PLCB3: variants seen among roughly 807,000 people sequenced by gnomAD.
PLCB3 encodes the protein phospholipase C beta 3, also known as 1-phosphatidylinositol 4,5-bisphosphate phosphodiesterase beta-3.
PLCB3 carries 54 observed loss-of-function variants against 152.1 expected under a neutral mutation model. The observed-to-expected ratio is 0.36, with a 90% CI of 0.29 to 0.45. The LOEUF is 0.45. PLCB3 is among the 20% of genes least tolerant of loss of function. The probability of loss-of-function intolerance (pLI) is 1.00; values close to 1 mark genes in which losing one functional copy is unlikely to be tolerated. For synonymous variants in PLCB3, 717 were observed against 698.7 expected, an observed-to-expected ratio of 1.03 and a Z score of -0.41; for missense variants, 1,248 against 1,687.5, an observed-to-expected ratio of 0.74 and a Z score of 4.56.
intron 1 of PLCB3, among the ~76,000 whole-genome samples, chr11:64,253,808 C>G (rs2031363461): frequency 6.6e-6 from 1 of 152,158 alleles, no homozygotes; most frequent in South Asian, 2.1e-4. Context: ...AAGTCCCCTT[C>G]TAGGGGGACT....
chr11:64,261,552 C>T (rs776292721), intron 15 of PLCB3, 29 bp from the exon 16 acceptor site: 1 of 1,613,076 alleles, frequency 6.2e-7, no homozygotes, highest in South Asian at 1.1e-5. Flanking sequence ...CCTGCCAGGT[C>T]TGACGCCCTT....
At position 64,267,391 on chromosome 11, in the gene PLCB3, G is replaced by A. The variant is rs373700578; in HGVS notation, c.3540G>A (p.Arg1180=). 3.7e-4 allele frequency: 571 copies of A among 1,543,188 alleles called. No individual in the cohort carries two copies. The highest frequency in any genetic ancestry group is 4.8e-4 in the Non-Finnish European group (553 of 1,142,866). The change falls in exon 31 of 31, where the codon CGG becomes CGA. Residue 1180 remains arginine, a synonymous_variant. Transcript: ENST00000279230. This position sits in a 1 kb window ranked among gnomAD's most constrained non-coding sequence, Gnocchi z 5.2. The part of the protein sequence containing the change: ...AQLAQECQEQ[R]ARLPQEIRRS... ...TGGCCCAGGAGTGTCAGGAGCAGCGGGCGAGGCTCCCCCAGGAGATCCGCC... is the reference window on the plus strand; with the variant it reads ...TGGCCCAGGAGTGTCAGGAGCAGCGAGCGAGGCTCCCCCAGGAGATCCGCC...
intron 10 of PLCB3, among the ~76,000 whole-genome samples, chr11:64,257,154 G>A (rs188219834): frequency 2.0e-5 from 3 of 152,054 alleles, no homozygotes; most frequent in African/African-American, 4.8e-5. Flanking sequence ...ACAGGCATTC[G>A]CCACCACGCC....
In PLCB3 at chr11:64,258,878, T is replaced by C; in HGVS notation, c.1254-7T>C. The C allele has an allele frequency of 6.2e-7, 1 of 1,613,776 alleles. No individual in the cohort carries two copies. Among genetic ancestry groups the C allele is most frequent in the Non-Finnish European group, 8.5e-7 (1 of 1,179,890 alleles). Reference sequence around the variant, plus strand: ...GGGATCTCTGACCTCTGACCTCGGTTCCGCAGGGCAAAGCAACAGGCAAAG... The same window carrying C: ...GGGATCTCTGACCTCTGACCTCGGTCCCGCAGGGCAAAGCAACAGGCAAAG... On this transcript the variant is annotated splice_region_variant and splice_polypyrimidine_tract_variant and intron_variant, in intron 11 of 30. Coordinates refer to ENST00000279230, the MANE Select transcript of PLCB3 (RefSeq NM_000932.5). The surrounding 1 kb of genome is among the most constrained non-coding windows in gnomAD (Gnocchi z 7.2).
Position 64,263,606 on chromosome 11 carries a change from TTGG to T in PLCB3, c.2455+13_2455+15del, listed in dbSNP as rs1345654611. On this transcript the variant is annotated intron_variant, in intron 20 of 30. Coordinates refer to ENST00000279230, the MANE Select transcript of PLCB3 (RefSeq NM_000932.5). ...CTCTGCCATCCGCTCCGGTGAGGCC[TTGG>T]TGGGCTCTGGGCAGCACAGCGGGCA... The T allele has an allele frequency of 6.2e-7, 1 of 1,609,634 alleles. No individual in the cohort carries two copies. Among genetic ancestry groups the T allele is most frequent in the Non-Finnish European group, 8.5e-7 (1 of 1,176,858 alleles).
In PLCB3 at chr11:64,266,279, C is replaced by G. The variant is rs367930919; in HGVS notation, c.3267-36C>G. On this transcript the variant is annotated intron_variant, in intron 27 of 30. Coordinates refer to ENST00000279230, the MANE Select transcript of PLCB3 (RefSeq NM_000932.5). The surrounding 1 kb of genome is among the most constrained non-coding windows in gnomAD (Gnocchi z 4.9). The stretch of plus-strand genomic sequence containing the variant: ...AGGAGGGCAGAGTCTGTGCTTCTGC[C>G]GCTGACCCCTCCTCTTCCCCTGCCG... The G allele has an allele frequency of 1.9e-6, 3 of 1,613,432 alleles. No homozygotes were observed. In the Admixed American group the frequency reaches 5.0e-5, roughly 27 times the overall value.
At chr11:64,260,796 ACAT>A (rs965519234) in intron 14 of PLCB3, among the ~76,000 whole-genome samples, 8 of 145,326 alleles carry the variant, frequency 5.5e-5, no homozygotes, top group Non-Finnish European at 1.2e-4. Context: ...AAAAAAAAAG[ACAT>A]CATTGCTATA....
intron 22 of PLCB3, 130 bp downstream of exon 22, chr11:64,264,242 G>A (rs1272971687): frequency 1.6e-5 from 9 of 578,860 alleles, no homozygotes; most frequent in Non-Finnish European, 2.6e-5. Context: ...CTGGGATTTT[G>A]AGGAGATGAA....
chr11:64,252,828 T>G (rs1273367003), intron 1 of PLCB3, among the ~76,000 whole-genome samples: 1 of 150,996 alleles, frequency 6.6e-6, no homozygotes, highest in Non-Finnish European at 1.5e-5. Context: ...TGGGGGGTGC[T>G]GACGGAGGCT....
rs1480596773 is a variant in PLCB3, at chr11:64,265,520, C to G, written c.3035+18C>G. On this transcript the variant is annotated intron_variant, in intron 25 of 30. Coordinates refer to ENST00000279230, the MANE Select transcript of PLCB3 (RefSeq NM_000932.5). ...GGTGCCCTGTGAGTGTCTGGGCCGCCTGTGTGCTATGTGTGCTGGGTGTGC... is the reference window on the plus strand; with the variant it reads ...GGTGCCCTGTGAGTGTCTGGGCCGCGTGTGTGCTATGTGTGCTGGGTGTGC... 3.2e-6 allele frequency: 5 copies of G among 1,585,680 alleles called. No homozygotes were observed. The highest frequency in any genetic ancestry group is 4.3e-6 in the Non-Finnish European group (5 of 1,171,406).
Position 64,263,812 on chromosome 11 carries a change from C to T in PLCB3, c.2560+17C>T, listed in dbSNP as rs780495588. On this transcript the variant is annotated intron_variant, in intron 21 of 30. Transcript: ENST00000279230. Reference sequence around the variant, plus strand: ...ACCACCAGGGTGAGCTGGGGGTGGGCGGGGCCTGCCTGGCCAGGGAGTGTG... The same window carrying T: ...ACCACCAGGGTGAGCTGGGGGTGGGTGGGGCCTGCCTGGCCAGGGAGTGTG... 6.9e-6 allele frequency: 11 copies of T among 1,596,950 alleles called. No individual in the cohort carries two copies. The highest frequency in any genetic ancestry group is 6.7e-5 in the East Asian group (3 of 44,830).
chr11:64,268,285 G>A (rs1031118346), downstream of PLCB3, among the ~76,000 whole-genome samples: 2 of 152,198 alleles, frequency 1.3e-5, no homozygotes, highest in African/African-American at 4.8e-5. Flanking sequence ...CTGGGCCCCC[G>A]ACAGGCAGTT....
At chr11:64,253,707 A>G (rs2031358577) in intron 1 of PLCB3, among the ~76,000 whole-genome samples, 1 of 152,170 alleles carries the variant, frequency 6.6e-6, no homozygotes, top group African/African-American at 2.4e-5. Context: ...CCTTCTTAGA[A>G]AATGGGGCTG....
rs371625605 is a variant in PLCB3 at position 64,266,287 on chromosome 11, C to T, written c.3267-28C>T. 3.1e-6 allele frequency: 5 copies of T among 1,613,602 alleles called. No individual in the cohort carries two copies. The highest frequency in any genetic ancestry group is 4.2e-6 in the Non-Finnish European group (5 of 1,179,924). Reference sequence around the variant, plus strand: ...AGAGTCTGTGCTTCTGCCGCTGACCCCTCCTCTTCCCCTGCCGGCTTCTCC... The same window carrying T: ...AGAGTCTGTGCTTCTGCCGCTGACCTCTCCTCTTCCCCTGCCGGCTTCTCC... On this transcript the variant is annotated intron_variant, in intron 27 of 30. Transcript: ENST00000279230. The surrounding 1 kb of genome is among the most constrained non-coding windows in gnomAD (Gnocchi z 4.9).
rs763017593 is a variant in PLCB3 at position 64,267,413 on chromosome 11, C to T, written c.3562C>T (p.Arg1188Cys). The change falls in exon 31 of 31, where the codon CGC (arginine) becomes TGC (cysteine). Residue 1188 changes from arginine (R) to cysteine (C), a missense_variant. Physicochemically the swap from Arg to Cys is radical, Grantham distance 180. Around this residue, in one of 6 missense-constraint regions of PLCB3, gnomAD observed 477 missense variants for 489.6 expected, o/e 0.97. Coordinates refer to ENST00000279230, the MANE Select transcript of PLCB3 (RefSeq NM_000932.5). The surrounding 1 kb of genome is among the most constrained non-coding windows in gnomAD (Gnocchi z 5.2). ...EQRARLPQEI[R>C]RSLLGEMPEG... ...GCGGGCGAGGCTCCCCCAGGAGATCCGCCGGAGCCTGCTGGGCGAGATGCC... is the reference window on the plus strand; with the variant it reads ...GCGGGCGAGGCTCCCCCAGGAGATCTGCCGGAGCCTGCTGGGCGAGATGCC... The T allele has an allele frequency of 7.8e-6, 12 of 1,539,894 alleles. No homozygotes were observed. Among genetic ancestry groups the T allele is most frequent in the African/African-American group, 2.7e-5 (2 of 73,080 alleles).
rs1367686240 is a variant in PLCB3, at chr11:64,267,546, C to A, written c.3695C>A (p.Thr1232Lys). The change falls in exon 31 of 31, where the codon ACG becomes AAG. Residue 1232 changes from threonine to lysine, a missense_variant. Thr to Lys is a moderately conservative substitution (Grantham distance 78, BLOSUM62 -1). Around this residue, in one of 6 missense-constraint regions of PLCB3, gnomAD observed 477 missense variants for 489.6 expected, o/e 0.97. Transcript: ENST00000279230. The surrounding 1 kb of genome is among the most constrained non-coding windows in gnomAD (Gnocchi z 5.2). Reference sequence around the variant, plus strand: ...GACTCGGAGAGCCAGGAGGAGAACACGCAGCTCTGAACTGGCTGAGCGAGG... The same window carrying A: ...GACTCGGAGAGCCAGGAGGAGAACAAGCAGCTCTGAACTGGCTGAGCGAGG... ...GADSESQEEN[T>K]QL The A allele has an allele frequency of 1.1e-5, 17 of 1,562,520 alleles. No individual in the cohort carries two copies. Among genetic ancestry groups the A allele is most frequent in the Non-Finnish European group, 1.4e-5 (16 of 1,158,770 alleles).
At position 64,255,819 on chromosome 11, in the gene PLCB3, G is replaced by A. The variant is rs774030306; in HGVS notation, c.696G>A (p.Glu232=). ...LRPDIDKILL[E]IGAKGKPYLT... is the part of the protein sequence containing the mutation. ...CGGACATTGACAAGATCCTGCTGGA[G>A]ATGTGAGTGGGCCCGGCCTGCCTCA... The change falls in exon 8 of 31, where the codon GAG becomes GAA. Residue 232 remains glutamate (E), a splice_region_variant and synonymous_variant. Coordinates refer to ENST00000279230, the MANE Select transcript of PLCB3 (RefSeq NM_000932.5). This position sits in a 1 kb window ranked among gnomAD's most constrained non-coding sequence, Gnocchi z 6.8. The A allele has an allele frequency of 6.2e-7, 1 of 1,607,220 alleles. No individual in the cohort carries two copies. The highest frequency in any genetic ancestry group is 8.5e-7 in the Non-Finnish European group (1 of 1,173,758).
intron 2 of PLCB3, 52 bp from the exon 3 acceptor site, chr11:64,254,696 G>A: frequency 6.3e-7 from 1 of 1,582,824 alleles, no homozygotes; most frequent in Non-Finnish European, 8.7e-7. Context: ...GGAAGCTCCT[G>A]GCTATTGCCC....
rs754969206 is a variant in PLCB3, at chr11:64,259,147, T to A, written c.1428T>A (p.Gly476=). The change falls in exon 13 of 31, where the codon GGT becomes GGA. Residue 476 remains glycine (G), a synonymous_variant. Transcript: ENST00000279230. ...AGAAGCGGCACCGACCCAGCGCAGG[T>A]GGCCCAGACAGCGCCGGGCGCAAGC... The part of the protein sequence containing the change: ...KNKKRHRPSA[G]GPDSAGRKRP... 45 of 1,610,492 alleles carry A rather than the reference T, an allele frequency of 2.8e-5. No individual in the cohort carries two copies. The highest frequency in any genetic ancestry group is 3.8e-5 in the Non-Finnish European group (45 of 1,178,840).
Sources: gnomAD v4.1 joint callset for allele counts (sites outside exome capture counted in the v4.1 genomes callset) on GRCh38, gnomAD v4.1.1 for gene constraint, gnomAD v4.1.1 regional missense constraint, Gnocchi (gnomAD v3.1) non-coding constraint, MANE v1.5 for transcripts, NCBI Gene and HGNC (gene_info 2026-07-23, HGNC 2026-07-21) for gene names.